LEF1: variants seen among roughly 807,000 people sequenced by gnomAD.
The protein encoded by LEF1 is lymphoid enhancer binding factor 1.
LEF1 carries 14 observed loss-of-function variants against 51.2 expected under a neutral mutation model. That is an observed-to-expected ratio of 0.27 (90% CI 0.18 to 0.43). The LOEUF is 0.43. LEF1 is among the 20% of genes least tolerant of loss of function. The pLI is 1.00. For missense variants in LEF1, 386 were observed against 512.0 expected (o/e 0.75, Z 2.37); for synonymous variants, 185 against 183.2 (o/e 1.01, Z -0.08).
chr4:108,148,320 G>T (rs1284283262), intron 3 of LEF1, among the ~76,000 whole-genome samples: 3 of 150,932 alleles, frequency 2.0e-5, no homozygotes, highest in Non-Finnish European at 2.9e-5. Context: ...GCCCAGCCCA[G>T]AGGTGTCTAC....
chr4:108,157,902 C>T (rs1007344054), intron 3 of LEF1, among the ~76,000 whole-genome samples: 2 of 152,144 alleles, frequency 1.3e-5, no homozygotes, highest in African/African-American at 4.8e-5. Context: ...CTTTATAATC[C>T]TCTACACAGC....
intron 3 of LEF1, among the ~76,000 whole-genome samples, chr4:108,114,665 G>C (rs766112970): frequency 1.2e-4 from 18 of 152,184 alleles, no homozygotes; most frequent in Non-Finnish European, 2.4e-4. Flanking sequence ...TGTCTGAGGA[G>C]ATAACACGAA....
intron 3 of LEF1, among the ~76,000 whole-genome samples, chr4:108,120,716 T>C (rs1742121315): frequency 2.0e-5 from 3 of 152,190 alleles, no homozygotes; most frequent in Admixed American, 6.5e-5. Flanking sequence ...GTCATGTAGA[T>C]TTTCCCAATG....
chr4:108,136,559 G>A (rs373856411), intron 3 of LEF1, among the ~76,000 whole-genome samples: 53 of 150,144 alleles, frequency 3.5e-4, no homozygotes, highest in African/African-American at 1.3e-3. Flanking sequence ...GGAAAGTTCA[G>A]CAATACATAT....
At chr4:108,108,390 G>T (rs957572825) in intron 3 of LEF1, among the ~76,000 whole-genome samples, 1 of 152,038 alleles carries the variant, frequency 6.6e-6, no homozygotes, top group Non-Finnish European at 1.5e-5. Context: ...TGACTCACTC[G>T]TAGTATACCC....
chr4:108,069,302 G>A (rs1738291903), intron 9 of LEF1, among the ~76,000 whole-genome samples: 1 of 152,122 alleles, frequency 6.6e-6, no homozygotes, highest in African/African-American at 2.4e-5. Context: ...CATGAACTCA[G>A]ACATAATAAC....
intron 3 of LEF1, among the ~76,000 whole-genome samples, chr4:108,133,906 C>G (rs1465897544): frequency 6.6e-6 from 1 of 152,276 alleles, no homozygotes; most frequent in South Asian, 2.1e-4. Context: ...AGACTTCTAT[C>G]TACTCATTGG....
intron 11 of LEF1, among the ~76,000 whole-genome samples, chr4:108,050,002 G>A (rs1213638664): frequency 6.6e-6 from 1 of 152,204 alleles, no homozygotes; most frequent in African/African-American, 2.4e-5. Flanking sequence ...CCTGCAAGCA[G>A]GTTAGCTAGT....
intron 3 of LEF1, among the ~76,000 whole-genome samples, chr4:108,132,659 C>CTTTTTTGTTTTTTTTTTTTT (rs1742970620): frequency 2.1e-5 from 1 of 47,438 alleles, no homozygotes; most frequent in East Asian, 7.9e-4. Flanking sequence ...GAAAATCTGC[C>CTTTTTTGTTTTTTTTTTTTT]TTTTTTTTTT....
intron 3 of LEF1, among the ~76,000 whole-genome samples, chr4:108,133,001 T>A (rs910147207): frequency 6.6e-6 from 1 of 151,492 alleles, no homozygotes; most frequent in African/African-American, 2.4e-5. Context: ...TGAAATGGAG[T>A]CTCGCTCTGT....
intron 3 of LEF1, among the ~76,000 whole-genome samples, chr4:108,139,961 T>C (rs1262764357): frequency 2.0e-5 from 3 of 152,146 alleles, no homozygotes; most frequent in Admixed American, 6.5e-5. Flanking sequence ...AAAGAATTCA[T>C]GGGGACTTTC....
intron 8 of LEF1, chr4:108,072,897 G>GTTT (rs1211026961): frequency 1.1e-4 from 16 of 151,050 alleles, no homozygotes; most frequent in African/African-American, 3.7e-4. Flanking sequence ...AAACATCATC[G>GTTT]TTTTTTGTTG....
chr4:108,070,916 G>A (rs191980319), intron 8 of LEF1, 146 bp from the exon 9 acceptor site: 28 of 621,940 alleles, frequency 4.5e-5, no homozygotes, highest in South Asian at 6.3e-5. Flanking sequence ...GCCAAGTGCC[G>A]TAGAAATCTC....
intron 3 of LEF1, among the ~76,000 whole-genome samples, chr4:108,140,220 C>A (rs79189694): frequency 6.6e-6 from 1 of 152,092 alleles, no homozygotes; most frequent in African/African-American, 2.4e-5. Flanking sequence ...GGGGGAAAAG[C>A]AACTTCATTG....
At chr4:108,117,766 C>G (rs1741929853) in intron 3 of LEF1, among the ~76,000 whole-genome samples, 1 of 152,156 alleles carries the variant, frequency 6.6e-6, no homozygotes, top group Non-Finnish European at 1.5e-5. Context: ...AGGGTCCCAG[C>G]AATGGGCAGC....
At chr4:108,087,992 A>G (rs1739760986) in intron 4 of LEF1, among the ~76,000 whole-genome samples, 2 of 152,246 alleles carry the variant, frequency 1.3e-5, no homozygotes, top group African/African-American at 4.8e-5. Context: ...AGGACAGAGG[A>G]TTAAAAAATA....
At chr4:108,148,265 T>C (rs1560823705) in intron 3 of LEF1, among the ~76,000 whole-genome samples, 1 of 107,472 alleles carries the variant, frequency 9.3e-6, no homozygotes, top group East Asian at 3.1e-4. Context: ...TTAACATGAA[T>C]GCTCTTTTAA....
intron 8 of LEF1, among the ~76,000 whole-genome samples, chr4:108,072,676 A>G (rs560054829): frequency 5.5e-4 from 84 of 152,252 alleles, no homozygotes; most frequent in Non-Finnish European, 1.0e-3. Flanking sequence ...AACCCTGGAA[A>G]CAGTTACCTT....
chr4:108,079,353 G>A (rs1042608653), intron 7 of LEF1, 139 bp downstream of exon 7: 26 of 959,460 alleles, frequency 2.7e-5, no homozygotes, highest in African/African-American at 2.1e-4. Flanking sequence ...ATGTCCTCAG[G>A]GACAGAGTTT....
Sources: allele counts gnomAD v4.1 joint callset (sites outside exome capture counted in the v4.1 genomes callset), GRCh38; gene constraint gnomAD v4.1.1; transcripts MANE v1.5; gene names NCBI Gene and HGNC (gene_info 2026-07-23, HGNC 2026-07-21).